The following STXBP5L variants were observed in gnomAD, a reference collection of about 807,000 sequenced individuals.
STXBP5L encodes the protein syntaxin binding protein 5L, also known as syntaxin-binding protein 5-like.
STXBP5L carries 65 observed loss-of-function variants against 144.5 expected under a neutral mutation model. That is an observed-to-expected ratio of 0.45 (90% CI 0.37 to 0.55). The LOEUF is 0.55. Ranked by LOEUF, STXBP5L falls within the 20% of genes least tolerant of loss-of-function variation. The pLI, the probability that STXBP5L is intolerant of heterozygous loss-of-function variation, is 0.00. For missense variants in STXBP5L, 1,298 were observed against 1,405.5 expected (o/e 0.92, Z 1.22); for synonymous variants, 505 against 469.6 (o/e 1.08, Z -0.97).
At chr3:121,189,687 A>T (rs1175301513) in intron 9 of STXBP5L, among the ~76,000 whole-genome samples, 1 of 152,196 alleles carries the variant, frequency 6.6e-6, no homozygotes, top group Non-Finnish European at 1.5e-5. Context: ...TTGACTTCAG[A>T]ATGTCTTGAC....
chr3:121,042,464 G>A (rs1947227808), intron 4 of STXBP5L, among the ~76,000 whole-genome samples: 1 of 152,044 alleles, frequency 6.6e-6, no homozygotes, highest in Admixed American at 6.6e-5. Context: ...TTTATATTAA[G>A]TGAGCCAGTC....
At chr3:121,213,733 G>T (rs1193569226) in intron 10 of STXBP5L, among the ~76,000 whole-genome samples, 4 of 152,288 alleles carry the variant, frequency 2.6e-5, no homozygotes, top group Non-Finnish European at 4.4e-5. Flanking sequence ...CTCATAAAAA[G>T]AGTTAGGGAG....
intron 16 of STXBP5L, among the ~76,000 whole-genome samples, chr3:121,256,355 T>C (rs949367779): frequency 6.6e-6 from 1 of 152,026 alleles, no homozygotes; most frequent in African/African-American, 2.4e-5. Flanking sequence ...TTTTCAATCT[T>C]AAAAATGCTC....
At chr3:121,056,666 A>T (rs925622851) in intron 5 of STXBP5L, among the ~76,000 whole-genome samples, 29 of 152,166 alleles carry the variant, frequency 1.9e-4, no homozygotes, top group African/African-American at 6.5e-4. Flanking sequence ...ACAACAGTGT[A>T]TGCAATAAAG....
At chr3:120,985,067 T>G (rs554978005) in intron 3 of STXBP5L, among the ~76,000 whole-genome samples, 9 of 152,138 alleles carry the variant, frequency 5.9e-5, no homozygotes, top group Non-Finnish European at 1.3e-4. Flanking sequence ...TTTGCTAGTA[T>G]TTTTCTGATA....
At chr3:120,967,304 C>A (rs1310507842) in intron 3 of STXBP5L, among the ~76,000 whole-genome samples, 1 of 152,160 alleles carries the variant, frequency 6.6e-6, no homozygotes, top group Non-Finnish European at 1.5e-5. Flanking sequence ...GTGGGCTGCA[C>A]CCACTGTCCA....
intron 5 of STXBP5L, among the ~76,000 whole-genome samples, chr3:121,092,044 A>G (rs568983921): frequency 6.6e-6 from 1 of 152,176 alleles, no homozygotes; most frequent in East Asian, 1.9e-4. Flanking sequence ...TACTTTCCCC[A>G]TTGCTTGTTT....
At chr3:121,309,403 A>C (rs185730576) in intron 19 of STXBP5L, among the ~76,000 whole-genome samples, 3 of 152,260 alleles carry the variant, frequency 2.0e-5, no homozygotes, top group Non-Finnish European at 4.4e-5. Flanking sequence ...ACTAGAATAA[A>C]AAGTGACCTT....
chr3:121,355,128 T>G (rs1223695875), intron 20 of STXBP5L, among the ~76,000 whole-genome samples: 1 of 152,222 alleles, frequency 6.6e-6, no homozygotes, highest in South Asian at 2.1e-4. Flanking sequence ...CATTTTTTCC[T>G]TCATTTCAAC....
chr3:121,108,390 A>G lies in STXBP5L; in HGVS notation c.471-6535A>G, dbSNP rs150503570. ...TTATTATTTTGAGTTATGTTCCATC[A>G]ATACCCAGTTTATTGAGAGTTTTTA... On this transcript the variant is annotated intron_variant, in intron 5 of 26. Transcript: ENST00000471454. Among the ~76,000 whole-genome samples, 905 of 152,276 alleles carry G rather than the reference A, an allele frequency of 5.9e-3. 8 individuals are homozygous for G. Among genetic ancestry groups the G allele is most frequent in the African/African-American group, 0.02 (835 of 41,560 alleles).
chr3:121,010,200 C>T (rs959167359), intron 3 of STXBP5L, among the ~76,000 whole-genome samples: 1 of 151,810 alleles, frequency 6.6e-6, no homozygotes, highest in African/African-American at 2.4e-5. Flanking sequence ...GAGTCTTCCC[C>T]TTTCAGCAGT....
chr3:121,309,301 G>A (rs2108508461), intron 19 of STXBP5L, among the ~76,000 whole-genome samples: 1 of 151,698 alleles, frequency 6.6e-6, no homozygotes, highest in South Asian at 2.1e-4. Context: ...AAAATGAATG[G>A]GAAAAGATCA....
chr3:120,957,386 C>T (rs1293587076), intron 3 of STXBP5L, among the ~76,000 whole-genome samples: 3 of 151,860 alleles, frequency 2.0e-5, no homozygotes, highest in Non-Finnish European at 4.4e-5. Flanking sequence ...TGAGATGATT[C>T]CCACTTGATA....
At chr3:121,120,093 A>T (rs2044391789) in intron 6 of STXBP5L, among the ~76,000 whole-genome samples, 1 of 151,358 alleles carries the variant, frequency 6.6e-6, no homozygotes, top group Admixed American at 6.6e-5. Context: ...GCTCTAAGAA[A>T]TTCTGTAGGG....
chr3:120,974,347 G>A (rs1940668689), intron 3 of STXBP5L, among the ~76,000 whole-genome samples: 1 of 152,036 alleles, frequency 6.6e-6, no homozygotes, highest in Non-Finnish European at 1.5e-5. Context: ...CTTCTTTTGA[G>A]AAGTGTCTGT....
intron 5 of STXBP5L, among the ~76,000 whole-genome samples, chr3:121,063,978 C>T (rs556462830): frequency 2.6e-5 from 4 of 152,290 alleles, no homozygotes; most frequent in African/African-American, 4.8e-5. Context: ...CTGGCTTCAG[C>T]CCACTTTCCA....
intron 3 of STXBP5L, among the ~76,000 whole-genome samples, chr3:121,041,242 T>C (rs1194157214): frequency 6.6e-6 from 1 of 152,098 alleles, no homozygotes; most frequent in Non-Finnish European, 1.5e-5. Flanking sequence ...TCAGTCTATT[T>C]CTTTATGATC....
intron 20 of STXBP5L, among the ~76,000 whole-genome samples, chr3:121,368,090 T>C (rs972040515): frequency 7.2e-5 from 11 of 152,104 alleles, no homozygotes; most frequent in Non-Finnish European, 1.6e-4. Context: ...TCTCTTCCTT[T>C]TTTTTCTGAA....
At chr3:121,030,430 C>G (rs1475075632) in intron 3 of STXBP5L, among the ~76,000 whole-genome samples, 13 of 152,100 alleles carry the variant, frequency 8.5e-5, no homozygotes. Flanking sequence ...AACACAGGAA[C>G]AGAAAACCAA....
Sources: allele counts gnomAD v4.1 joint callset (sites outside exome capture counted in the v4.1 genomes callset), GRCh38; gene constraint gnomAD v4.1.1; transcripts MANE v1.5; gene names NCBI Gene and HGNC (gene_info 2026-07-23, HGNC 2026-07-21).